The following RC3H2 variants were observed in gnomAD, a reference collection of about 807,000 sequenced individuals.
RC3H2 encodes the protein ring finger and CCCH-type domains 2.
In RC3H2, 31 loss-of-function variants were observed where a neutral mutation model predicts 133.3. The observed-to-expected ratio is 0.23, with a 90% confidence interval of 0.17 to 0.31. RC3H2 has a LOEUF of 0.31. Among genes scored for constraint, RC3H2 ranks in the 10% least tolerant of loss-of-function variants. The probability of loss-of-function intolerance (pLI) is 1.00; values close to 1 mark genes in which losing one functional copy is unlikely to be tolerated. For missense variants in RC3H2, 1,175 were observed against 1,437.2 expected, an observed-to-expected ratio of 0.82 and a Z score of 2.95; for synonymous variants, 517 against 502.2, an observed-to-expected ratio of 1.03 and a Z score of -0.40.
In RC3H2 at chr9:122,890,496, T is replaced by C. The variant is rs962975285; in HGVS notation, c.399A>G (p.Lys133=). 1.9e-6 allele frequency: 3 copies of C among 1,614,210 alleles called. No homozygotes were observed. The highest frequency in any genetic ancestry group is 2.5e-6 in the Non-Finnish European group (3 of 1,180,028). The part of the protein sequence containing the change: ...QSALSRPMQR[K]LVTLVNCQLV... Reference sequence around the variant, plus strand: ...GTTGACAGTTTACAAGTGTCACCAGTTTCCTTTGCATTGGACGGCTCAGTG... The same window carrying C: ...GTTGACAGTTTACAAGTGTCACCAGCTTCCTTTGCATTGGACGGCTCAGTG... The change falls in exon 4 of 21, where the codon AAA becomes AAG. Residue 133 remains lysine, a synonymous_variant. Coordinates refer to ENST00000357244, the MANE Select transcript of RC3H2 (RefSeq NM_001100588.3).
rs1477063128 is a variant in RC3H2, at chr9:122,857,356, G to A, written c.2454+567C>T. Among the ~76,000 whole-genome samples, 6 of 152,198 alleles carry A rather than the reference G, an allele frequency of 3.9e-5. No individual in the cohort carries two copies. In the South Asian group the frequency reaches 1.2e-3, roughly 31 times the overall value. On this transcript the variant is annotated intron_variant, in intron 13 of 20. Coordinates refer to ENST00000357244, the MANE Select transcript of RC3H2 (RefSeq NM_001100588.3). ...TAAAATCATCCTGGTACACAAACTTGTTTGGTAATGCCAAGAACAATAATT... is the reference window on the plus strand; with the variant it reads ...TAAAATCATCCTGGTACACAAACTTATTTGGTAATGCCAAGAACAATAATT...
At chr9:122,884,863 A>AG (rs1389092072) in intron 4 of RC3H2, among the ~76,000 whole-genome samples, 2 of 152,086 alleles carry the variant, frequency 1.3e-5, no homozygotes, top group East Asian at 3.9e-4. Flanking sequence ...AAAAAAAAAA[A>AG]AAAAGAAATA....
At position 122,848,955 on chromosome 9, in the gene RC3H2, G is replaced by C. The variant is rs1829925279; in HGVS notation, c.*672C>G. The stretch of plus-strand genomic sequence containing the variant: ...TAGCCTGTGTATAAATATTAACAAA[G>C]CAGAAACTACTCTTGAAAAATGGAA... On this transcript the variant is annotated 3_prime_UTR_variant, in exon 21 of 21. Coordinates refer to ENST00000357244, the MANE Select transcript of RC3H2 (RefSeq NM_001100588.3). 6.6e-6 allele frequency: 1 copy of C among 151,744 alleles called. No individual in the cohort carries two copies. Among genetic ancestry groups the C allele is most frequent in the African/African-American group, 2.4e-5 (1 of 41,294 alleles). 9.4% of individuals were successfully genotyped at this position (151,744 alleles called of 1,614,324 possible). A position where few individuals can be genotyped will look rare whatever the true frequency, so the allele number is the denominator to read the frequency against.
At chr9:122,859,211 G>T in intron 11 of RC3H2, 109 bp from the exon 12 acceptor site, 57 of 716,116 alleles carry the variant, frequency 8.0e-5, no homozygotes, top group East Asian at 1.1e-4. Context: ...AATAAGCTTT[G>T]AACCTTACCT....
At chr9:122,875,301 G>A (rs1831285603) in intron 9 of RC3H2, 16 of 1,550,426 alleles carry the variant, frequency 1.0e-5, no homozygotes, top group Non-Finnish European at 1.4e-5. Flanking sequence ...AGCTCATTAT[G>A]TACAGTGCCC....
Position 122,890,423 on chromosome 9 carries a change from G to A in RC3H2, c.472C>T (p.Leu158Phe), listed in dbSNP as rs1832114089. 1 of 1,614,012 alleles carries A rather than the reference G, an allele frequency of 6.2e-7. No individual in the cohort carries two copies. Among genetic ancestry groups the A allele is most frequent in the Non-Finnish European group, 8.5e-7 (1 of 1,180,034 alleles). The change falls in exon 4 of 21, where the codon CTT (leucine) becomes TTT (phenylalanine). Residue 158 changes from leucine (L) to phenylalanine (F), a missense_variant. Transcript: ENST00000357244. ...AGTTCTGTTACAGTTCTTTCTCCAA[G>A]GGAACGAGCTGCTCGCATGGCTCTT... ...RVRAMRAARS[L>F]GERTVTELIL...
intron 10 of RC3H2, among the ~76,000 whole-genome samples, chr9:122,861,767 T>C (rs915626648): frequency 6.6e-6 from 1 of 152,222 alleles, no homozygotes; most frequent in African/African-American, 2.4e-5. Context: ...ATGGGCTGCC[T>C]TTAAGTTTAT....
At chr9:122,862,999 C>T (rs1224280389) in intron 10 of RC3H2, among the ~76,000 whole-genome samples, 1 of 151,476 alleles carries the variant, frequency 6.6e-6, no homozygotes, top group African/African-American at 2.4e-5. Flanking sequence ...AGTATATTCA[C>T]AAGGCTGTCC....
At chr9:122,893,221 T>C (rs1485614761) in intron 2 of RC3H2, among the ~76,000 whole-genome samples, 195 bp from the exon 3 acceptor site, 1 of 152,072 alleles carries the variant, frequency 6.6e-6, no homozygotes, top group Non-Finnish European at 1.5e-5. Context: ...AGGCCGGGCA[T>C]GGTGGCTCAT....
At chr9:122,876,386 G>T (rs1273371322) in intron 9 of RC3H2, among the ~76,000 whole-genome samples, 1 of 152,110 alleles carries the variant, frequency 6.6e-6, no homozygotes, top group East Asian at 1.9e-4. Flanking sequence ...CCAGTACTTT[G>T]GGAGGCCAAG....
rs764420991 is a variant in RC3H2, at chr9:122,854,580, A to C, written c.2851T>G (p.Trp951Gly). Residue 951 changes from tryptophan (W) to glycine (G), a missense_variant, in exon 16 of 21, where the codon TGG (tryptophan) becomes GGG (glycine). Physicochemically the swap from Trp to Gly is radical, Grantham distance 184. Coordinates refer to ENST00000357244, the MANE Select transcript of RC3H2 (RefSeq NM_001100588.3). ...VPYVNAVDSR[W>G]SSYGNEATSS... is the part of the protein sequence containing the mutation. ...GTGGCCTCGTTGCCATATGAACTCC[A>C]CCTTGAATCAACAGCATTGACATAA... 2 of 1,613,606 alleles carry C rather than the reference A, an allele frequency of 1.2e-6. No individual in the cohort carries two copies. Among genetic ancestry groups the C allele is most frequent in the Admixed American group, 3.3e-5 (2 of 60,026 alleles).
intron 1 of RC3H2, among the ~76,000 whole-genome samples, chr9:122,904,896 T>A (rs1394848975): frequency 1.3e-5 from 2 of 152,136 alleles, no homozygotes; most frequent in African/African-American, 4.8e-5. Flanking sequence ...TTTGAGCCGG[T>A]CGCTCCGCAT....
intron 9 of RC3H2, among the ~76,000 whole-genome samples, chr9:122,872,279 C>A (rs1831134249): frequency 6.6e-6 from 1 of 152,164 alleles, no homozygotes; most frequent in African/African-American, 2.4e-5. Flanking sequence ...GTCAGCTCTA[C>A]TTCCAAAATA....
At position 122,897,333 on chromosome 9, in the gene RC3H2, T is replaced by A. The variant is rs1832467123; in HGVS notation, c.177A>T (p.Thr59=). Residue 59 remains threonine, a synonymous_variant, in exon 2 of 21, where the codon ACA becomes ACT. Transcript: ENST00000357244. The part of the protein sequence containing the change: ...ACPFDQTAIN[T]DIDVLPVNFA... The stretch of plus-strand genomic sequence containing the variant: ...AGTTGACAGGAAGTACATCAATATC[T>A]GTGTTGATGGCAGTCTGGTCAAAAG... 3.1e-6 allele frequency: 5 copies of A among 1,614,112 alleles called. No individual in the cohort carries two copies. The highest frequency in any genetic ancestry group is 4.2e-6 in the Non-Finnish European group (5 of 1,179,928).
rs781394101 is a variant in RC3H2, at chr9:122,846,565, T to C, written c.*3062A>G. The C allele has an allele frequency of 2.6e-5, 4 of 152,006 alleles. No homozygotes were observed. The highest frequency in any genetic ancestry group is 5.9e-5 in the Non-Finnish European group (4 of 68,002). 9.4% of individuals were successfully genotyped at this position (152,006 alleles called of 1,614,324 possible). ...TGAATGCGGCACATGGATTTCAGAA[T>C]GGAACTTAGAAATTAAAAAACAAAA... On this transcript the variant is annotated 3_prime_UTR_variant, in exon 21 of 21. Coordinates refer to ENST00000357244, the MANE Select transcript of RC3H2 (RefSeq NM_001100588.3).
Position 122,879,805 on chromosome 9 carries a change from G to A in RC3H2, c.1162C>T (p.Leu388Phe). 1.9e-6 allele frequency: 3 copies of A among 1,613,984 alleles called. No individual in the cohort carries two copies. Among genetic ancestry groups the A allele is most frequent in the Non-Finnish European group, 2.5e-6 (3 of 1,179,960 alleles). Reference sequence around the variant, plus strand: ...CTATAATTTTGTATGAAGTCCACAAGGCCATGAACTACTGTTTTAACAGCT... The same window carrying A: ...CTATAATTTTGTATGAAGTCCACAAAGCCATGAACTACTGTTTTAACAGCT... ...MVAVKTVVHG[L>F]VDFIQNYSRK... The change falls in exon 8 of 21, where the codon CTT becomes TTT. Residue 388 changes from leucine (L) to phenylalanine (F), a missense_variant. Physicochemically the swap from Leu to Phe is conservative, Grantham distance 22. Around this residue, in one of 8 missense-constraint regions of RC3H2, gnomAD observed 131 missense variants for 154.2 expected, o/e 0.85. Transcript: ENST00000357244.
chr9:122,882,976 T>C (rs1290778416), intron 5 of RC3H2, among the ~76,000 whole-genome samples: 2 of 152,228 alleles, frequency 1.3e-5, no homozygotes, highest in African/African-American at 2.4e-5. Flanking sequence ...TTTCCTTATG[T>C]TCTTTCCGTT....
chr9:122,904,137 G>A (rs1184071219), intron 1 of RC3H2, among the ~76,000 whole-genome samples: 2 of 152,102 alleles, frequency 1.3e-5, no homozygotes, highest in Non-Finnish European at 2.9e-5. Context: ...CACTTTATTT[G>A]GGATACAAAC....
rs1408520545 is a variant in RC3H2, at chr9:122,880,073, A to C, written c.1013T>G (p.Leu338Trp). ...AKSVQELTIV[L>W]QRTGDPANLN... ...GTTAGCTGGGTCACCTGTTCGTTGCAAAACAATTGTCAATTCCTGGACACT... is the reference window on the plus strand; with the variant it reads ...GTTAGCTGGGTCACCTGTTCGTTGCCAAACAATTGTCAATTCCTGGACACT... The change falls in exon 7 of 21, where the codon TTG becomes TGG. Residue 338 changes from leucine to tryptophan, a missense_variant. Physicochemically the swap from Leu to Trp is moderately conservative, Grantham distance 61. Coordinates refer to ENST00000357244, the MANE Select transcript of RC3H2 (RefSeq NM_001100588.3). 1.9e-6 allele frequency: 3 copies of C among 1,614,184 alleles called. No individual in the cohort carries two copies. In the Admixed American group the frequency reaches 5.0e-5, roughly 27 times the overall value.
Sources: allele counts gnomAD v4.1 joint callset (sites outside exome capture counted in the v4.1 genomes callset), GRCh38; gene constraint gnomAD v4.1.1; regional missense constraint gnomAD v4.1.1; transcripts MANE v1.5; gene names NCBI Gene and HGNC (gene_info 2026-07-23, HGNC 2026-07-21).